Variants in STAT3 observed in about 807,000 individuals in gnomAD.
STAT3 encodes DNA-binding protein APRF.
Under a neutral mutation model 114.3 loss-of-function variants are expected in STAT3, and 7 were observed. The observed-to-expected ratio is 0.06, with a 90% CI of 0.03 to 0.11. The LOEUF is 0.11. STAT3 is among the 10% of genes least tolerant of loss of function. The pLI is 1.00. For synonymous variants in STAT3, 331 were observed against 354.5 expected, an observed-to-expected ratio of 0.93 and a Z score of 0.74; for missense variants, 364 against 960.9, an observed-to-expected ratio of 0.38 and a Z score of 8.21.
intron 1 of STAT3, chr17:42,387,979 G>A (rs1215931813): frequency 3.5e-5 from 11 of 315,822 alleles, no homozygotes; most frequent in African/African-American, 6.4e-5. Context: ...AGGAAATCGG[G>A]GGACTGTCCC....
chr17:42,340,755 T>G (rs2082411874), intron 4 of STAT3, among the ~76,000 whole-genome samples: 1 of 152,132 alleles, frequency 6.6e-6, no homozygotes. Flanking sequence ...TGACAGTGAC[T>G]CATCTGATTG....
chr17:42,375,083 A>G (rs181703924), intron 1 of STAT3, among the ~76,000 whole-genome samples: 6 of 152,322 alleles, frequency 3.9e-5, no homozygotes, highest in African/African-American at 1.2e-4. Context: ...AACCAACATT[A>G]ATCTGGTAAT....
intron 4 of STAT3, among the ~76,000 whole-genome samples, chr17:42,343,378 C>G (rs1175388978): frequency 1.3e-5 from 2 of 151,472 alleles, no homozygotes; most frequent in African/African-American, 4.9e-5. Flanking sequence ...ATATGTGTTT[C>G]CAGATATTTT....
At chr17:42,362,604 G>T (rs2083570079) in intron 1 of STAT3, among the ~76,000 whole-genome samples, 1 of 152,228 alleles carries the variant, frequency 6.6e-6, no homozygotes, top group Admixed American at 6.5e-5. Flanking sequence ...CGATCACTTA[G>T]CGTGTAGCTG....
intron 3 of STAT3, 129 bp from the exon 4 acceptor site, chr17:42,345,786 C>T (rs1176805780): frequency 3.2e-6 from 3 of 935,198 alleles, no homozygotes; most frequent in Non-Finnish European, 5.0e-6. Flanking sequence ...GGAACAAAGG[C>T]TTCAGAGCCT....
chr17:42,388,111 G>A (rs775907805), intron 1 of STAT3, 168 bp downstream of exon 1: 7 of 843,468 alleles, frequency 8.3e-6, no homozygotes, highest in Non-Finnish European at 1.1e-5. Flanking sequence ...GCCCGCTCCT[G>A]TCATCCCGAA....
chr17:42,353,240 C>T (rs1268397787), intron 1 of STAT3, among the ~76,000 whole-genome samples: 3 of 151,308 alleles, frequency 2.0e-5, no homozygotes, highest in African/African-American at 7.3e-5. Flanking sequence ...CCCAGCTACT[C>T]GGGAGGCTGA....
At chr17:42,388,008 C>G (rs1028399358) in intron 1 of STAT3, 5 of 372,156 alleles carry the variant, frequency 1.3e-5, no homozygotes, top group Middle Eastern at 6.8e-4. Flanking sequence ...GCCGCCGCAA[C>G]CGAGTGCGCC....
At chr17:42,326,051 G>T in intron 15 of STAT3, 65 bp downstream of exon 15, 1 of 1,380,224 alleles carries the variant, frequency 7.2e-7, no homozygotes, top group Non-Finnish European at 1.0e-6. Context: ...AAAAATCCCA[G>T]TGGAAGTTTT....
At position 42,356,525 on chromosome 17, in the gene STAT3, A is replaced by G. The variant is rs1012810572; in HGVS notation, c.-23-7986T>C. 1.3e-4 allele frequency among the ~76,000 whole-genome samples: 15 copies of G among 119,880 alleles called. No homozygotes were observed. In the East Asian group the frequency reaches 1.5e-3, roughly 12 times the overall value. 78.6% of individuals were successfully genotyped at this position (119,880 alleles called of 152,430 possible). On this transcript the variant is annotated intron_variant, in intron 1 of 23. Coordinates refer to ENST00000264657, the MANE Select transcript of STAT3 (RefSeq NM_139276.3). ...TTTCAGAATGTGTTTGTGTGTGTGT[A>G]TATATATATATATATTTTTTTTTTT...
intron 14 of STAT3, 110 bp downstream of exon 14, chr17:42,329,300 A>G (rs1393682078): frequency 6.6e-7 from 1 of 1,516,506 alleles, no homozygotes; most frequent in Non-Finnish European, 9.1e-7. Flanking sequence ...GAATAACTAC[A>G]GCTGAAAGAA....
chr17:42,349,070 CCCAGGCTGGTCTT>C, intron 1 of STAT3, among the ~76,000 whole-genome samples: 1 of 152,162 alleles, frequency 6.6e-6, no homozygotes, highest in East Asian at 1.9e-4. Flanking sequence ...ACAAAACATG[CCCAGGCTGGTCTT>C]GAACTCCTGG....
At chr17:42,356,538 TA>T (rs200953723) in intron 1 of STAT3, among the ~76,000 whole-genome samples, 1,940 of 122,384 alleles carry the variant, frequency 0.016, 17 homozygotes, top group African/African-American at 0.042. Flanking sequence ...TATATATATA[TA>T]TTTTTTTTTT....
intron 21 of STAT3, among the ~76,000 whole-genome samples, chr17:42,318,094 A>C (rs952596022): frequency 6.6e-5 from 10 of 151,010 alleles, no homozygotes; most frequent in Non-Finnish European, 1.3e-4. Flanking sequence ...CTGGGACTAC[A>C]GGTGGCACCA....
chr17:42,321,385 A>G (rs1006173037), intron 21 of STAT3, among the ~76,000 whole-genome samples: 3 of 152,136 alleles, frequency 2.0e-5, no homozygotes, highest in Non-Finnish European at 2.9e-5. Context: ...TGGGCCTCCC[A>G]AAGTGCTAGG....
intron 21 of STAT3, among the ~76,000 whole-genome samples, chr17:42,318,722 A>G (rs1411640524): frequency 6.6e-6 from 1 of 152,176 alleles, no homozygotes; most frequent in Non-Finnish European, 1.5e-5. Context: ...GCTTAGACAG[A>G]ACCTGAGGGA....
rs73983711 is a variant in STAT3, at chr17:42,333,809, G to C, written c.957-44C>G. 6.2e-7 allele frequency: 1 copy of C among 1,614,154 alleles called. No homozygotes were observed. Among genetic ancestry groups the C allele is most frequent in the East Asian group, 2.2e-5 (1 of 44,884 alleles). On this transcript the variant is annotated intron_variant, in intron 9 of 23. Transcript: ENST00000264657. This position sits in a 1 kb window ranked among gnomAD's most constrained non-coding sequence, Gnocchi z 5.2. ...GGCTCACGCGCCACGGCCATGACCA[G>C]AAGTCAGCCCGCCTCTCACTCTACC... is the stretch of plus-strand genomic sequence containing the variant.
chr17:42,334,637 A>AT (rs757940879), intron 8 of STAT3, among the ~76,000 whole-genome samples: 2 of 151,830 alleles, frequency 1.3e-5, no homozygotes, highest in Non-Finnish European at 2.9e-5. Context: ...TAGAGATGGG[A>AT]TTTTGCCTTG....
chr17:42,323,415 G>A (rs530178294), intron 18 of STAT3, 61 bp from the exon 19 acceptor site: 3 of 1,590,132 alleles, frequency 1.9e-6, no homozygotes, highest in South Asian at 1.1e-5. Flanking sequence ...CCCTTCCTAG[G>A]GGTGCAGTGC....
Sources: gnomAD v4.1 joint callset for allele counts (sites outside exome capture counted in the v4.1 genomes callset) on GRCh38, gnomAD v4.1.1 for gene constraint, Gnocchi (gnomAD v3.1) non-coding constraint, MANE v1.5 for transcripts, NCBI Gene and HGNC (gene_info 2026-07-23, HGNC 2026-07-21) for gene names.